SLC18A2: variants seen among roughly 807,000 people sequenced by gnomAD.
SLC18A2 encodes synaptic vesicular amine transporter.
A neutral mutation model predicts 59.2 loss-of-function variants in SLC18A2; 33 were observed. That is an observed-to-expected ratio of 0.56 (90% CI 0.42 to 0.75). SLC18A2 has a LOEUF of 0.75. Among genes scored for constraint, SLC18A2 ranks in the 30% least tolerant of loss-of-function variants. The pLI, the probability that SLC18A2 is intolerant of heterozygous loss-of-function variation, is 0.00. For synonymous variants in SLC18A2, 228 were observed against 253.5 expected (o/e 0.90, Z 0.95); for missense variants, 569 against 668.6 (o/e 0.85, Z 1.64).
chr10:117,269,995 G>GAC lies in SLC18A2; in HGVS notation c.1187-71_1187-70dup, dbSNP rs1401363502. ...AGAGCTGGCAGGGTGGTGAGTTTAA[G>GAC]ACACACTCCCTGATATTCGGCCCAT... On this transcript the variant is annotated intron_variant, in intron 13 of 15. Transcript: ENST00000644641. This position sits in a 1 kb window ranked among gnomAD's most constrained non-coding sequence, Gnocchi z 5.1. The GAC allele has an allele frequency of 2.5e-6, 4 of 1,575,424 alleles. No individual in the cohort carries two copies. Among genetic ancestry groups the GAC allele is most frequent in the Non-Finnish European group, 3.5e-6 (4 of 1,153,278 alleles).
At chr10:117,249,919 G>C (rs1011061973) in intron 3 of SLC18A2, among the ~76,000 whole-genome samples, 7 of 152,206 alleles carry the variant, frequency 4.6e-5, no homozygotes, top group African/African-American at 7.2e-5. Context: ...TGCTGAATCA[G>C]ATCTGGCTCT....
rs185096787 is a variant in SLC18A2, at chr10:117,271,955, G to A, written c.1440+1492G>A. ...TGTTTGTGTGTGTCTGTGTGTGTGT[G>A]TATAAAATCACCTACAAATGCTCCT... On this transcript the variant is annotated intron_variant, in intron 15 of 15. Transcript: ENST00000644641. Among the ~76,000 whole-genome samples the A allele has an allele frequency of 1.9e-3, 284 of 152,274 alleles. 2 individuals are homozygous for A. The highest frequency in any genetic ancestry group is 6.6e-3 in the African/African-American group (273 of 41,534).
At chr10:117,247,861 G>C (rs574239546) in intron 3 of SLC18A2, among the ~76,000 whole-genome samples, 1 of 152,130 alleles carries the variant, frequency 6.6e-6, no homozygotes, top group Non-Finnish European at 1.5e-5. Context: ...ACTCTGAATC[G>C]AGACATTCTA....
chr10:117,257,039 G>A (rs886263782), intron 9 of SLC18A2, among the ~76,000 whole-genome samples: 4 of 152,178 alleles, frequency 2.6e-5, no homozygotes, highest in Non-Finnish European at 5.9e-5. Flanking sequence ...CCATTGATAT[G>A]CTCTGCCTTT....
chr10:117,276,810 C>G lies in SLC18A2; in HGVS notation c.1441-352C>G, dbSNP rs139345504. On this transcript the variant is annotated intron_variant, in intron 15 of 15. Transcript: ENST00000644641. Reference sequence around the variant, plus strand: ...ATGACGTCTGTAAACAGAAGTTGGACTGGGTGACCTCCAGGATCCCCATAC... The same window carrying G: ...ATGACGTCTGTAAACAGAAGTTGGAGTGGGTGACCTCCAGGATCCCCATAC... Among the ~76,000 whole-genome samples the G allele has an allele frequency of 3.6e-3, 543 of 152,164 alleles. 1 individual carries two copies. The highest frequency in any genetic ancestry group is 6.8e-3 in the Middle Eastern group (2 of 294).
At chr10:117,245,893 A>G (rs140681795) in intron 3 of SLC18A2, among the ~76,000 whole-genome samples, 138 of 152,332 alleles carry the variant, frequency 9.1e-4, no homozygotes, top group African/African-American at 3.1e-3. Flanking sequence ...ATTGATTTCA[A>G]CAATCTCAAG....
intron 4 of SLC18A2, 131 bp from the exon 5 acceptor site, chr10:117,253,917 G>C (rs565438328): frequency 1.3e-6 from 1 of 784,140 alleles, no homozygotes; most frequent in African/African-American, 1.7e-5. Flanking sequence ...AGCTTTTTAC[G>C]GAACAAAAGC....
chr10:117,249,598 A>C (rs149122374), intron 3 of SLC18A2, among the ~76,000 whole-genome samples: 2 of 152,286 alleles, frequency 1.3e-5, no homozygotes, highest in Non-Finnish European at 2.9e-5. Context: ...TGTAGTCTGT[A>C]TGCTTCTTGT....
intron 13 of SLC18A2, 21 bp from the exon 14 acceptor site, chr10:117,270,050 G>A: frequency 6.2e-7 from 1 of 1,613,720 alleles, no homozygotes; most frequent in Non-Finnish European, 8.5e-7. Flanking sequence ...TCTATACACT[G>A]TGTTCCCTGA....
intron 10 of SLC18A2, among the ~76,000 whole-genome samples, chr10:117,264,744 T>C (rs1164675674): frequency 6.6e-6 from 1 of 152,194 alleles, no homozygotes; most frequent in Non-Finnish European, 1.5e-5. Flanking sequence ...CTACCTGGCC[T>C]TTGGGGATTC....
intron 3 of SLC18A2, among the ~76,000 whole-genome samples, chr10:117,249,345 C>T (rs1198869974): frequency 1.3e-5 from 2 of 152,248 alleles, no homozygotes; most frequent in African/African-American, 2.4e-5. Flanking sequence ...GAAGTCCGTG[C>T]CCCCTGGAAT....
At chr10:117,263,731 C>T (rs981025114) in intron 10 of SLC18A2, among the ~76,000 whole-genome samples, 4 of 152,194 alleles carry the variant, frequency 2.6e-5, no homozygotes, top group African/African-American at 7.2e-5. Flanking sequence ...TACAAGCCCC[C>T]AAAGGGAAAC....
chr10:117,265,398 C>T (rs1844337488), intron 10 of SLC18A2, among the ~76,000 whole-genome samples: 1 of 152,108 alleles, frequency 6.6e-6, no homozygotes, highest in Non-Finnish European at 1.5e-5. Context: ...GTGTAGCAGG[C>T]ACTCGGTCAT....
intron 12 of SLC18A2, 90 bp from the exon 13 acceptor site, chr10:117,267,583 G>A (rs1049079393): frequency 1.3e-5 from 12 of 959,996 alleles, no homozygotes; most frequent in Middle Eastern, 3.4e-4. Flanking sequence ...GGCATACCAC[G>A]CTCAGAGAAA....
intron 15 of SLC18A2, among the ~76,000 whole-genome samples, chr10:117,272,612 G>T (rs566943020): frequency 6.6e-6 from 1 of 152,276 alleles, no homozygotes; most frequent in Admixed American, 6.5e-5. Flanking sequence ...ATCCTGAAAG[G>T]CCAAACAGTA....
intron 2 of SLC18A2, among the ~76,000 whole-genome samples, chr10:117,243,433 G>T (rs561742832): frequency 2.6e-5 from 4 of 152,190 alleles, no homozygotes; most frequent in African/African-American, 9.7e-5. Flanking sequence ...TCTCAGGGCC[G>T]TTGGGGGCAT....
At position 117,277,578 on chromosome 10, in the gene SLC18A2, A is replaced by C. The variant is rs1021433915; in HGVS notation, c.*312A>C. 1.2e-5 allele frequency: 2 copies of C among 164,054 alleles called. No homozygotes were observed. The highest frequency in any genetic ancestry group is 4.8e-5 in the African/African-American group (2 of 41,964). The allele number at this position is 164,054 out of a possible 1,614,324, so 10.2% of individuals were successfully genotyped here. ...ATAAATATTTGAATCCAAACCAAATATAATTTTTTAACTTACATTAACAAA... is the reference window on the plus strand; with the variant it reads ...ATAAATATTTGAATCCAAACCAAATCTAATTTTTTAACTTACATTAACAAA... On this transcript the variant is annotated 3_prime_UTR_variant, in exon 16 of 16. Coordinates refer to ENST00000644641, the MANE Select transcript of SLC18A2 (RefSeq NM_003054.6).
chr10:117,253,589 T>C lies in SLC18A2; in HGVS notation c.523+132T>C, dbSNP rs1015814866. ...GGGGGTCGTGGTTGGCTCATGCCTG[T>C]AATCCGAGCACTTTGGGAGGCTGAG... On this transcript the variant is annotated intron_variant, in intron 4 of 15. Coordinates refer to ENST00000644641, the MANE Select transcript of SLC18A2 (RefSeq NM_003054.6). The C allele has an allele frequency of 5.4e-6, 3 of 552,360 alleles. No individual in the cohort carries two copies. The Admixed American group carries it at 8.1e-5, about 15-fold the overall frequency. The allele number at this position is 552,360 out of a possible 1,614,324, so 34.2% of individuals were successfully genotyped here. A position where few individuals can be genotyped will look rare whatever the true frequency, so the allele number is the denominator to read the frequency against.
intron 3 of SLC18A2, among the ~76,000 whole-genome samples, chr10:117,245,104 A>G (rs1468669624): frequency 1.3e-5 from 2 of 152,178 alleles, no homozygotes; most frequent in Non-Finnish European, 2.9e-5. Flanking sequence ...AGCTCAGGAC[A>G]AGGGCCTTGC....
Sources: gnomAD v4.1 joint callset for allele counts (sites outside exome capture counted in the v4.1 genomes callset) on GRCh38, gnomAD v4.1.1 for gene constraint, Gnocchi (gnomAD v3.1) non-coding constraint, MANE v1.5 for transcripts, NCBI Gene and HGNC (gene_info 2026-07-23, HGNC 2026-07-21) for gene names.